The following LMO4 variants were observed in gnomAD, a reference collection of about 807,000 sequenced individuals.
LMO4 encodes the protein LIM domain only 4, also known as LIM domain transcription factor LMO4.
In LMO4, 3 loss-of-function variants were observed where a neutral mutation model predicts 18.5. The ratio of observed to expected loss-of-function variants is 0.16; its 90% CI spans 0.07 to 0.42. LMO4 has a LOEUF of 0.42. Among genes scored for constraint, LMO4 ranks in the 10% least tolerant of loss-of-function variants. The pLI is 0.99. For missense variants in LMO4, 121 were observed against 219.9 expected (o/e 0.55, Z 2.84); for synonymous variants, 100 against 88.1 (o/e 1.14, Z -0.76).
chr1:87,339,672 C>A lies in LMO4; in HGVS notation c.333+40C>A, dbSNP rs6698323. On this transcript the variant is annotated intron_variant, in intron 3 of 4. Transcript: ENST00000370544. ...TCTCTTTTTTTTTTAAAAAAAAAAT[C>A]ATACCTTTCCTACCTACATGGGGGC... 3,997 of 1,269,366 alleles carry A rather than the reference C, an allele frequency of 3.1e-3. 94 individuals carry two copies. The African/African-American group carries it at 0.053, about 17-fold the overall frequency. The allele number at this position is 1,269,366 out of a possible 1,614,324, so 78.6% of individuals were successfully genotyped here.
intron 2 of LMO4, among the ~76,000 whole-genome samples, chr1:87,335,974 A>G (rs934586675): frequency 7.3e-5 from 11 of 151,686 alleles, no homozygotes; most frequent in South Asian, 4.2e-4. Context: ...AAGGCCTCCA[A>G]TTCACTTGGG....
chr1:87,340,962 G>T (rs1370062888), intron 4 of LMO4, among the ~76,000 whole-genome samples: 1 of 152,196 alleles, frequency 6.6e-6, no homozygotes, highest in Non-Finnish European at 1.5e-5. Flanking sequence ...GTGATCAACA[G>T]TTGTCCAGCA....
intron 2 of LMO4, among the ~76,000 whole-genome samples, chr1:87,336,616 G>A (rs968172697): frequency 6.6e-6 from 1 of 152,204 alleles, no homozygotes; most frequent in Non-Finnish European, 1.5e-5. Context: ...CAGTGGTTTG[G>A]TGGGATTTCT....
At position 87,340,221 on chromosome 1, in the gene LMO4, C is replaced by CT. The variant is rs764515892; in HGVS notation, c.489+20dup. The stretch of plus-strand genomic sequence containing the variant: ...CCAGAAGGTGAATACCCAGCAATTA[C>CT]TAATAAGCTTTATTAGAGCAAGTTG... On this transcript the variant is annotated intron_variant, in intron 4 of 4. Transcript: ENST00000370544. 2.5e-6 allele frequency: 4 copies of CT among 1,612,698 alleles called. No individual in the cohort carries two copies. The highest frequency in any genetic ancestry group is 1.7e-5 in the Admixed American group (1 of 59,706).
At position 87,339,650 on chromosome 1, in the gene LMO4, C is replaced by CT. The variant is rs149816766; in HGVS notation, c.333+28dup. ...ATCTTAAGGTAGTATTTGCATCTCT[C>CT]TTTTTTTTTTAAAAAAAAAATCATA... On this transcript the variant is annotated intron_variant, in intron 3 of 4. Coordinates refer to ENST00000370544, the MANE Select transcript of LMO4 (RefSeq NM_006769.4). 3.4e-3 allele frequency: 4,578 copies of CT among 1,354,412 alleles called. 1 individual carries two copies. The highest frequency in any genetic ancestry group is 9.1e-3 in the African/African-American group (599 of 66,186). The allele number at this position is 1,354,412 out of a possible 1,614,324, so 83.9% of individuals were successfully genotyped here.
Position 87,332,015 on chromosome 1 carries a change from C to A in LMO4, c.-1C>A. ...TGTCCCCTTCCCGCCCTCTGCAGAC[C>A]ATGGTGAATCCGGGCAGCAGCTCGC... On this transcript the variant is annotated splice_region_variant and 5_prime_UTR_variant, in exon 2 of 5. Transcript: ENST00000370544. 2 of 1,611,432 alleles carry A rather than the reference C, an allele frequency of 1.2e-6. No individual in the cohort carries two copies. Among genetic ancestry groups the A allele is most frequent in the Non-Finnish European group, 1.7e-6 (2 of 1,179,430 alleles).
chr1:87,343,932 A>T (rs941420891), intron 4 of LMO4, among the ~76,000 whole-genome samples: 2 of 152,212 alleles, frequency 1.3e-5, no homozygotes, highest in Non-Finnish European at 2.9e-5. Flanking sequence ...GTATTATTTC[A>T]TTTTGGTAAT....
chr1:87,348,490 G>T lies in LMO4; in HGVS notation c.*3694G>T. ...AAAGTATTACTGAGCAGCCATTTTA[G>T]ATTGGCAGTGCTCTGAACGCATGTT... On this transcript the variant is annotated 3_prime_UTR_variant, in exon 5 of 5. Coordinates refer to ENST00000370544, the MANE Select transcript of LMO4 (RefSeq NM_006769.4). 1 of 311,782 alleles carries T rather than the reference G, an allele frequency of 3.2e-6. No homozygotes were observed. The highest frequency in any genetic ancestry group is 2.8e-5 in the South Asian group (1 of 35,944). 19.3% of individuals were successfully genotyped at this position (311,782 alleles called of 1,614,324 possible).
chr1:87,339,408 G>T, intron 2 of LMO4, 128 bp from the exon 3 acceptor site: 2 of 634,960 alleles, frequency 3.1e-6, no homozygotes. Flanking sequence ...GAAAATCTGA[G>T]GCTTGAGCCT....
chr1:87,336,051 G>A (rs761560625), intron 2 of LMO4, among the ~76,000 whole-genome samples: 5 of 112,336 alleles, frequency 4.5e-5, no homozygotes, highest in Non-Finnish European at 8.4e-5. Context: ...ATTATGCACA[G>A]CCCCCCTCTT....
chr1:87,330,093 T>C (rs1170561059), intron 1 of LMO4, among the ~76,000 whole-genome samples: 1 of 152,028 alleles, frequency 6.6e-6, no homozygotes, highest in African/African-American at 2.4e-5. Flanking sequence ...GTCAGTCTTC[T>C]TGATTCATCT....
rs1650617177 is a variant in LMO4 at position 87,346,037 on chromosome 1, CAT to C, written c.*1244_*1245del. On this transcript the variant is annotated 3_prime_UTR_variant, in exon 5 of 5. Transcript: ENST00000370544. ...TCACAATTTCTAAGTCATACCTGTA[CAT>C]ATTTTGAAGCTCACTTAGTTGTAGG... is the stretch of plus-strand genomic sequence containing the variant. The C allele has an allele frequency of 6.6e-6, 1 of 152,138 alleles. No individual in the cohort carries two copies. Among genetic ancestry groups the C allele is most frequent in the Non-Finnish European group, 1.5e-5 (1 of 68,018 alleles). 9.4% of individuals were successfully genotyped at this position (152,138 alleles called of 1,614,324 possible). A position where few individuals can be genotyped will look rare whatever the true frequency, so the allele number is the denominator to read the frequency against.
chr1:87,334,195 T>A (rs1265681820), intron 2 of LMO4, among the ~76,000 whole-genome samples: 1 of 152,170 alleles, frequency 6.6e-6, no homozygotes, highest in East Asian at 1.9e-4. Flanking sequence ...TCTTACTTCC[T>A]TTTTTCCCTC....
chr1:87,339,397 A>G, intron 2 of LMO4, 139 bp from the exon 3 acceptor site: 1 of 613,634 alleles, frequency 1.6e-6, no homozygotes, highest in Non-Finnish European at 2.9e-6. Flanking sequence ...TAAATCACTC[A>G]GAAAATCTGA....
intron 2 of LMO4, among the ~76,000 whole-genome samples, chr1:87,337,334 A>G (rs1410063540): frequency 6.6e-6 from 1 of 152,226 alleles, no homozygotes; most frequent in Non-Finnish European, 1.5e-5. Context: ...CTGATTATTA[A>G]AATACACTTC....
At chr1:87,344,767 G>C (rs772183089) in intron 4 of LMO4, 21 bp from the exon 5 acceptor site, 1 of 1,613,384 alleles carries the variant, frequency 6.2e-7, no homozygotes, top group African/African-American at 1.3e-5. Context: ...TAGCTAAGAT[G>C]CCCGTTTTTA....
chr1:87,338,588 T>C (rs560452024), intron 2 of LMO4, among the ~76,000 whole-genome samples: 2 of 152,298 alleles, frequency 1.3e-5, no homozygotes, highest in South Asian at 2.1e-4. Flanking sequence ...TAAAATATTT[T>C]GTTGTGCTTG....
At chr1:87,331,448 C>T (rs925146456) in intron 1 of LMO4, 1 of 152,662 alleles carries the variant, frequency 6.6e-6, no homozygotes, top group Admixed American at 6.5e-5. Context: ...TTCGGAAAAC[C>T]GAACTATTTC....
chr1:87,344,905 A>G lies in LMO4; in HGVS notation c.*109A>G. ...CACCTTTGTAGCTAGCACCAGTGCC[A>G]GCTCCATGCCATTGCACCTTCTTTA... On this transcript the variant is annotated 3_prime_UTR_variant, in exon 5 of 5. Transcript: ENST00000370544. 1 of 1,052,752 alleles carries G rather than the reference A, an allele frequency of 9.5e-7. No homozygotes were observed. The highest frequency in any genetic ancestry group is 1.5e-6 in the Non-Finnish European group (1 of 675,766). The allele number at this position is 1,052,752 out of a possible 1,614,324, so 65.2% of individuals were successfully genotyped here.
Sources: allele counts gnomAD v4.1 joint callset (sites outside exome capture counted in the v4.1 genomes callset), GRCh38; gene constraint gnomAD v4.1.1; transcripts MANE v1.5; gene names NCBI Gene and HGNC (gene_info 2026-07-23, HGNC 2026-07-21).